Variants in PPM1A observed in about 807,000 individuals in gnomAD.
PPM1A encodes protein phosphatase 1A.
PPM1A carries 7 observed loss-of-function variants against 35.0 expected under a neutral mutation model. The ratio of observed to expected loss-of-function variants is 0.20; its 90% CI spans 0.11 to 0.38. PPM1A has a LOEUF of 0.38. PPM1A is among the 10% of genes least tolerant of loss of function. The probability of loss-of-function intolerance (pLI) is 1.00; values close to 1 mark genes in which losing one functional copy is unlikely to be tolerated. For missense variants in PPM1A, 239 were observed against 467.8 expected (o/e 0.51, Z 4.51); for synonymous variants, 153 against 167.3 (o/e 0.91, Z 0.66).
At position 60,292,550 on chromosome 14, in the gene PPM1A, CTT is replaced by C; in HGVS notation, c.*71_*72del. The C allele has an allele frequency of 7.3e-7, 1 of 1,372,682 alleles. No individual in the cohort carries two copies. Among genetic ancestry groups the C allele is most frequent in the Non-Finnish European group, 1.0e-6 (1 of 973,410 alleles). 85.0% of individuals were successfully genotyped at this position (1,372,682 alleles called of 1,614,324 possible). On this transcript the variant is annotated 3_prime_UTR_variant, in exon 6 of 6. Coordinates refer to ENST00000395076, the MANE Select transcript of PPM1A (RefSeq NM_021003.5). This position sits in a 1 kb window ranked among gnomAD's most constrained non-coding sequence, Gnocchi z 4.2. ...AGAGTACAGCTCAACTTTGTTGAAA[CTT>C]TTAACATCCATCCTCAACTTTAAGG...
chr14:60,286,282 A>C (rs1215022407), intron 3 of PPM1A: 2 of 985,768 alleles, frequency 2.0e-6, no homozygotes, highest in Non-Finnish European at 2.4e-6. Flanking sequence ...TCTCACCTAA[A>C]CAAGATAGAC....
At chr14:60,263,407 C>G (rs568860575) in intron 1 of PPM1A, among the ~76,000 whole-genome samples, 1 of 152,264 alleles carries the variant, frequency 6.6e-6, no homozygotes, top group South Asian at 2.1e-4. Flanking sequence ...ATTTATTGAG[C>G]AGTTCCCAAA....
At chr14:60,275,306 A>G (rs188275312) in intron 1 of PPM1A, among the ~76,000 whole-genome samples, 46 of 151,710 alleles carry the variant, frequency 3.0e-4, no homozygotes, top group Non-Finnish European at 6.2e-4. Flanking sequence ...AAGTCCAGAA[A>G]CCTAAGTCTT....
At chr14:60,257,816 AT>A (rs149475912) in intron 1 of PPM1A, among the ~76,000 whole-genome samples, 1 of 151,948 alleles carries the variant, frequency 6.6e-6, no homozygotes, top group Non-Finnish European at 1.5e-5. Flanking sequence ...ATGGCTATAT[AT>A]TTTTTTGTTT....
intron 2 of PPM1A, among the ~76,000 whole-genome samples, chr14:60,285,278 A>G (rs182349181): frequency 6.6e-5 from 10 of 152,362 alleles, no homozygotes; most frequent in African/African-American, 2.2e-4. Flanking sequence ...GTACACATGT[A>G]TATTTGTATT....
chr14:60,297,781 G>GGCGTCACAGGCGTTTTGA lies in PPM1A; in HGVS notation c.*5300_*5301insCGTCACAGGCGTTTTGAG, dbSNP rs1888166393. 1 of 151,440 alleles carries GGCGTCACAGGCGTTTTGA rather than the reference G, an allele frequency of 6.6e-6. No homozygotes were observed. The highest frequency in any genetic ancestry group is 1.9e-4 in the East Asian group (1 of 5,190). The allele number at this position is 151,440 out of a possible 1,614,324, so 9.4% of individuals were successfully genotyped here. A position where few individuals can be genotyped will look rare whatever the true frequency, so the allele number is the denominator to read the frequency against. On this transcript the variant is annotated 3_prime_UTR_variant, in exon 6 of 6. Transcript: ENST00000395076. ...TTAGCAATGCTTCTTAACCTTTTGG[G>GGCGTCACAGGCGTTTTGA]GTCACAGGCGTTTTGAGACTGATGA...
In PPM1A at chr14:60,291,948, A is replaced by C. The variant is rs1292281826; in HGVS notation, c.1119+494A>C. ...ATTAGAGAATTGTTTGCATAAATAG[A>C]CATTAGAATGCCATACTCTCCAGTT... is the stretch of plus-strand genomic sequence containing the variant. On this transcript the variant is annotated intron_variant, in intron 5 of 5. Coordinates refer to ENST00000395076, the MANE Select transcript of PPM1A (RefSeq NM_021003.5). Among the ~76,000 whole-genome samples, 5 of 152,186 alleles carry C rather than the reference A, an allele frequency of 3.3e-5. No homozygotes were observed. The East Asian group carries it at 9.7e-4, about 29-fold the overall frequency.
chr14:60,283,393 T>A lies in PPM1A; in HGVS notation c.690T>A (p.Asp230Glu). The A allele has an allele frequency of 1.9e-6, 3 of 1,614,224 alleles. No homozygotes were observed. The highest frequency in any genetic ancestry group is 2.5e-6 in the Non-Finnish European group (3 of 1,180,032). The stretch of plus-strand genomic sequence containing the variant: ...ATGATATTGAAAGATCTGAAGAAGA[T>A]GATCAGTTCATTATCCTTGCATGTG... The part of the protein sequence containing the change: ...EVHDIERSEE[D>E]DQFIILACDG... Residue 230 changes from aspartate to glutamate, a missense_variant, in exon 2 of 6, where the codon GAT becomes GAA. This residue lies in a region of PPM1A where 175 missense variants were observed against 389.2 expected (regional missense o/e 0.45). Coordinates refer to ENST00000395076, the MANE Select transcript of PPM1A (RefSeq NM_021003.5). The surrounding 1 kb of genome is among the most constrained non-coding windows in gnomAD (Gnocchi z 6.3).
At chr14:60,266,865 A>G (rs1595301814) in intron 1 of PPM1A, among the ~76,000 whole-genome samples, 1 of 152,168 alleles carries the variant, frequency 6.6e-6, no homozygotes, top group Non-Finnish European at 1.5e-5. Flanking sequence ...TTATAGATTA[A>G]ATAAAGGGAG....
Position 60,249,242 on chromosome 14 carries a change from G to GGC in PPM1A, c.-454_-453dup. Reference sequence around the variant, plus strand: ...CGCTAGAGGCGGCGGCGGCGGCGGTGGCGGCGCTAGGGACGGGAGCGCGCG... The same window carrying GGC: ...CGCTAGAGGCGGCGGCGGCGGCGGTGGCGCGGCGCTAGGGACGGGAGCGCGCG... On this transcript the variant is annotated 5_prime_UTR_variant, in exon 1 of 6. Coordinates refer to ENST00000395076, the MANE Select transcript of PPM1A (RefSeq NM_021003.5). This position sits in a 1 kb window ranked among gnomAD's most constrained non-coding sequence, Gnocchi z 4.5. 1 of 988,076 alleles carries GGC rather than the reference G, an allele frequency of 1.0e-6. No individual in the cohort carries two copies. Among genetic ancestry groups the GGC allele is most frequent in the African/African-American group, 1.7e-5 (1 of 57,178 alleles). 61.2% of individuals were successfully genotyped at this position (988,076 alleles called of 1,614,324 possible).
chr14:60,250,060 GCCC>G (rs1882189161), intron 1 of PPM1A, among the ~76,000 whole-genome samples: 1 of 150,804 alleles, frequency 6.6e-6, no homozygotes, highest in East Asian at 2.0e-4. Context: ...GCGTCCCCGC[GCCC>G]CCACCCGCTC....
rs1467043432 is a variant in PPM1A at position 60,249,308 on chromosome 14, G to A, written c.-390G>A. On this transcript the variant is annotated 5_prime_UTR_variant, in exon 1 of 6. Transcript: ENST00000395076. The surrounding 1 kb of genome is among the most constrained non-coding windows in gnomAD (Gnocchi z 4.5). ...AGTGGTCTCGGCGCTCGTCCGGCCC[G>A]CAGCTTCGGGTCCTCAGGCGGCTGT... 8.2e-6 allele frequency: 8 copies of A among 978,774 alleles called. No individual in the cohort carries two copies. The highest frequency in any genetic ancestry group is 1.8e-5 in the African/African-American group (1 of 55,238). 60.6% of individuals were successfully genotyped at this position (978,774 alleles called of 1,614,324 possible).
At chr14:60,250,713 A>G (rs1245108718) in intron 1 of PPM1A, among the ~76,000 whole-genome samples, 1 of 152,228 alleles carries the variant, frequency 6.6e-6, no homozygotes, top group African/African-American at 2.4e-5. Flanking sequence ...ACATTTTAAC[A>G]ATTGTTTTGT....
chr14:60,282,876 T>C lies in PPM1A; in HGVS notation c.173T>C (p.Val58Ala). The change falls in exon 2 of 6, where the codon GTG becomes GCG. Residue 58 changes from valine (V) to alanine (A), a missense_variant. Physicochemically the swap from Val to Ala is moderately conservative, Grantham distance 64. Around this residue, in one of 2 missense-constraint regions of PPM1A, gnomAD observed 175 missense variants for 389.2 expected, o/e 0.45. Transcript: ENST00000395076. The surrounding 1 kb of genome is among the most constrained non-coding windows in gnomAD (Gnocchi z 5.1). Reference sequence around the variant, plus strand: ...CTTGAATCGTGGTCATTCTTTGCTGTGTATGATGGGCATGCTGGTTCTCAG... The same window carrying C: ...CTTGAATCGTGGTCATTCTTTGCTGCGTATGATGGGCATGCTGGTTCTCAG... ...SGLESWSFFA[V>A]YDGHAGSQVA... 6.2e-7 allele frequency: 1 copy of C among 1,614,250 alleles called. No individual in the cohort carries two copies. The highest frequency in any genetic ancestry group is 8.5e-7 in the Non-Finnish European group (1 of 1,180,050).
intron 1 of PPM1A, among the ~76,000 whole-genome samples, chr14:60,261,740 A>T (rs1438386617): frequency 6.6e-6 from 1 of 152,222 alleles, no homozygotes; most frequent in East Asian, 1.9e-4. Flanking sequence ...CTAAATGAGA[A>T]ATTGCAGCTT....
chr14:60,285,786 C>T, intron 3 of PPM1A, 45 bp downstream of exon 3: 1 of 1,597,754 alleles, frequency 6.3e-7, no homozygotes, highest in East Asian at 2.2e-5. Context: ...AAAGAAAAAT[C>T]TTCAACACAA....
At chr14:60,279,835 ATAT>A (rs946336223) in intron 1 of PPM1A, among the ~76,000 whole-genome samples, 20 of 152,202 alleles carry the variant, frequency 1.3e-4, no homozygotes, top group Admixed American at 8.5e-4. Context: ...CAAGGAGGAA[ATAT>A]TATTGTGATT....
At chr14:60,260,425 G>A (rs1883615964) in intron 1 of PPM1A, among the ~76,000 whole-genome samples, 1 of 152,002 alleles carries the variant, frequency 6.6e-6, no homozygotes, top group African/African-American at 2.4e-5. Context: ...TATAGCATGA[G>A]TATTTTTTAT....
At chr14:60,250,990 A>C (rs1211065769) in intron 1 of PPM1A, among the ~76,000 whole-genome samples, 2 of 152,236 alleles carry the variant, frequency 1.3e-5, no homozygotes, top group Non-Finnish European at 2.9e-5. Flanking sequence ...GAAAATAAGG[A>C]GATTCTCTAT....
Sources: allele counts gnomAD v4.1 joint callset (sites outside exome capture counted in the v4.1 genomes callset), GRCh38; gene constraint gnomAD v4.1.1; regional missense constraint gnomAD v4.1.1; non-coding constraint Gnocchi (gnomAD v3.1); transcripts MANE v1.5; gene names NCBI Gene and HGNC (gene_info 2026-07-23, HGNC 2026-07-21).